The following LAMA1 variants were observed in gnomAD, a reference collection of about 807,000 sequenced individuals.
LAMA1 encodes the protein laminin subunit alpha-1.
Under a neutral mutation model 348.7 loss-of-function variants are expected in LAMA1, and 219 were observed. The ratio of observed to expected loss-of-function variants is 0.63; its 90% confidence interval spans 0.56 to 0.70. The LOEUF is 0.70. LAMA1 is among the 30% of genes least tolerant of loss of function. The probability of loss-of-function intolerance (pLI) is 0.00; values close to 1 mark genes in which losing one functional copy is unlikely to be tolerated. For missense variants in LAMA1, 3,744 were observed against 3,888.0 expected (o/e 0.96, Z 0.99); for synonymous variants, 1,487 against 1,491.0 (o/e 1.00, Z 0.06).
rs2057873660 is a variant in LAMA1 at position 7,013,992 on chromosome 18, A to G, written c.3186T>C (p.His1062=). ...THHRCDVVTG[H]CQCKSKFGGR... ...CACCAAATTTTGACTTGCACTGGCA[A>G]TGGCCGGTGACCACATCGCACCGAT... is the stretch of plus-strand genomic sequence containing the variant. Residue 1062 remains histidine, a synonymous_variant, in exon 23 of 63, where the codon CAT becomes CAC. Transcript: ENST00000389658. The G allele has an allele frequency of 6.2e-7, 1 of 1,614,018 alleles. No individual in the cohort carries two copies. The highest frequency in any genetic ancestry group is 8.5e-7 in the Non-Finnish European group (1 of 1,179,950).
intron 55 of LAMA1, 161 bp from the exon 56 acceptor site, chr18:6,956,926 A>AATATTT: frequency 1.4e-6 from 1 of 739,646 alleles, no homozygotes; most frequent in East Asian, 2.7e-5. Context: ...CTCAGAGTCC[A>AATATTT]AACATGCTAT....
At chr18:7,067,204 G>A (rs1356821446) in intron 3 of LAMA1, among the ~76,000 whole-genome samples, 3 of 150,776 alleles carry the variant, frequency 2.0e-5, no homozygotes, top group Non-Finnish European at 4.4e-5. Context: ...ACTCCTGGGA[G>A]AAGAGCCCAG....
intron 23 of LAMA1, among the ~76,000 whole-genome samples, chr18:7,012,497 A>T (rs1278706970): frequency 9.8e-5 from 14 of 143,578 alleles, no homozygotes; most frequent in Non-Finnish European, 7.5e-5. Context: ...TATTATTATT[A>T]TATTATTATT....
chr18:7,076,174 T>TA (rs1276290369), intron 3 of LAMA1, among the ~76,000 whole-genome samples: 1 of 151,706 alleles, frequency 6.6e-6, no homozygotes, highest in Non-Finnish European at 1.5e-5. Flanking sequence ...TTTGGCAAGG[T>TA]AAAAAAAAGT....
At chr18:6,965,798 A>T (rs1442113014) in intron 49 of LAMA1, 1 of 402,886 alleles carries the variant, frequency 2.5e-6, no homozygotes, top group Non-Finnish European at 4.5e-6. Flanking sequence ...ATTCCCATGG[A>T]TGGAATTCAA....
intron 22 of LAMA1, 93 bp from the exon 23 acceptor site, chr18:7,014,144 G>A: frequency 1.0e-6 from 1 of 991,114 alleles, no homozygotes; most frequent in Non-Finnish European, 1.6e-6. Flanking sequence ...CTACATGTGG[G>A]GAAGTTCTAC....
Position 6,966,289 on chromosome 18 carries a change from T to G in LAMA1, c.6908A>C (p.Asn2303Thr), listed in dbSNP as rs1322700710. 1.9e-6 allele frequency: 3 copies of G among 1,613,572 alleles called. No homozygotes were observed. Among genetic ancestry groups the G allele is most frequent in the Non-Finnish European group, 2.5e-6 (3 of 1,179,838 alleles). Residue 2303 changes from asparagine (N) to threonine (T), a missense_variant, in exon 49 of 63, where the codon AAT becomes ACT. Coordinates refer to ENST00000389658, the MANE Select transcript of LAMA1 (RefSeq NM_005559.4). ...GTCAAAATGGAAGGAAGGGTCTTCA[T>G]TCTGGGAGCTGCAAAGCAGAAGAGA... ...KCRGCFGSSQ[N>T]EDPSFHFDGS...
rs765822415 is a variant in LAMA1, at chr18:7,026,028, G to A, written c.2353C>T (p.Pro785Ser). ...GFYGEPSRGT[P>S]GDCQPCACPL... ...CAGGCGCAGGGCTGGCAGTCCCCAGGTGTCCCTCGGGAAGGCTCCCCGTAG... is the reference window on the plus strand; with the variant it reads ...CAGGCGCAGGGCTGGCAGTCCCCAGATGTCCCTCGGGAAGGCTCCCCGTAG... The change falls in exon 17 of 63, where the codon CCT (proline) becomes TCT (serine). Residue 785 changes from proline (P) to serine (S), a missense_variant. By Grantham distance (74) the Pro-to-Ser change is moderately conservative. Coordinates refer to ENST00000389658, the MANE Select transcript of LAMA1 (RefSeq NM_005559.4). 4 of 1,609,776 alleles carry A rather than the reference G, an allele frequency of 2.5e-6. No homozygotes were observed. Among genetic ancestry groups the A allele is most frequent in the East Asian group, 2.2e-5 (1 of 44,742 alleles).
intron 1 of LAMA1, among the ~76,000 whole-genome samples, chr18:7,107,781 G>A (rs28450506): frequency 0.27 from 40,599 of 150,082 alleles, 10,360 homozygotes; most frequent in African/African-American, 0.68. Flanking sequence ...TTGGGAGGCT[G>A]AGGCGGGCAG....
chr18:6,947,103 T>C, intron 61 of LAMA1, 60 bp downstream of exon 61: 1 of 1,607,608 alleles, frequency 6.2e-7, no homozygotes, highest in Non-Finnish European at 8.5e-7. Flanking sequence ...CTGCTGTTTC[T>C]CAATTGCTCT....
In LAMA1 at chr18:6,964,749, C is replaced by A; in HGVS notation, c.7250G>T (p.Gly2417Val). The change falls in exon 51 of 63, where the codon GGC (glycine) becomes GTC (valine). Residue 2417 changes from glycine (G) to valine (V), a missense_variant. This residue lies in a region of LAMA1 where 1,983 missense variants were observed against 1,934.3 expected (regional missense o/e 1.03). Coordinates refer to ENST00000389658, the MANE Select transcript of LAMA1 (RefSeq NM_005559.4). ...YNTSNKETKQ[G>V]ETPGASSDLN... Reference sequence around the variant, plus strand: ...GTCAGAAGATGCTCCCGGAGTCTCGCCCTGCTTGGTTTCTTTATTACTGGT... The same window carrying A: ...GTCAGAAGATGCTCCCGGAGTCTCGACCTGCTTGGTTTCTTTATTACTGGT... 1.2e-6 allele frequency: 2 copies of A among 1,614,086 alleles called. No homozygotes were observed.
intron 3 of LAMA1, among the ~76,000 whole-genome samples, chr18:7,058,201 T>C (rs1288448711): frequency 5.3e-5 from 8 of 152,154 alleles, no homozygotes; most frequent in Non-Finnish European, 1.0e-4. Context: ...TGATACTAAA[T>C]GGAAGAACAG....
rs2057542957 is a variant in LAMA1, at chr18:6,950,825, T to C, written c.8354A>G (p.Lys2785Arg). 1 of 1,614,020 alleles carries C rather than the reference T, an allele frequency of 6.2e-7. No individual in the cohort carries two copies. The highest frequency in any genetic ancestry group is 8.5e-7 in the Non-Finnish European group (1 of 1,180,012). ...ACTGAGCAGTGCAGGGTGAGAGACC[T>C]TTGTTCTGCCTTTGCCAAGGTCAAA... is the stretch of plus-strand genomic sequence containing the variant. ...FMFDLGKGRT[K>R]VSHPALLSDG... Residue 2785 changes from lysine (K) to arginine (R), a missense_variant, in exon 58 of 63, where the codon AAG becomes AGG. Lys to Arg is a conservative substitution (Grantham distance 26). Transcript: ENST00000389658.
intron 1 of LAMA1, among the ~76,000 whole-genome samples, chr18:7,114,319 TAGAA>T (rs1366790271): frequency 6.6e-6 from 1 of 152,158 alleles, no homozygotes; most frequent in African/African-American, 2.4e-5. Flanking sequence ...ATTTTATAGA[TAGAA>T]AGCTGACATT....
At position 7,032,153 on chromosome 18, in the gene LAMA1, G is replaced by A. The variant is rs139947483; in HGVS notation, c.2187C>T (p.Arg729=). 2.1e-5 allele frequency: 34 copies of A among 1,613,782 alleles called. No homozygotes were observed. The African/African-American group carries it at 2.3e-4, about 11-fold the overall frequency. Residue 729 remains arginine (R), a synonymous_variant, in exon 16 of 63, where the codon CGC becomes CGT. Transcript: ENST00000389658. ...SCESCLSGYY[R]VDGILFGGIC... Reference sequence around the variant, plus strand: ...TTCCTCCAAAGAGTATTCCATCCACGCGGTAATAGCCAGAGAGGCACGACT... The same window carrying A: ...TTCCTCCAAAGAGTATTCCATCCACACGGTAATAGCCAGAGAGGCACGACT...
chr18:7,040,363 T>C, intron 9 of LAMA1, 127 bp from the exon 10 acceptor site: 2 of 880,398 alleles, frequency 2.3e-6, no homozygotes, highest in Non-Finnish European at 3.8e-6. Flanking sequence ...AGAGTCTCAT[T>C]TGCAGCTGCT....
chr18:7,009,110 T>C, intron 27 of LAMA1, 129 bp downstream of exon 27: 1 of 998,022 alleles, frequency 1.0e-6, no homozygotes, highest in Non-Finnish European at 1.6e-6. Flanking sequence ...TATTTAACAA[T>C]GTTTTGGTAA....
At chr18:7,018,689 C>G (rs1054041931) in intron 19 of LAMA1, among the ~76,000 whole-genome samples, 1 of 152,114 alleles carries the variant, frequency 6.6e-6, no homozygotes, top group South Asian at 2.1e-4. Context: ...GCCACCGCGC[C>G]GGGCCCCCAG....
chr18:6,971,257 T>C (rs2057657094), intron 48 of LAMA1, among the ~76,000 whole-genome samples: 1 of 152,212 alleles, frequency 6.6e-6, no homozygotes, highest in Non-Finnish European at 1.5e-5. Flanking sequence ...GGTTAAGTCA[T>C]TGAATGCCTT....
Sources: allele counts gnomAD v4.1 joint callset (sites outside exome capture counted in the v4.1 genomes callset), GRCh38; gene constraint gnomAD v4.1.1; regional missense constraint gnomAD v4.1.1; transcripts MANE v1.5; gene names NCBI Gene and HGNC (gene_info 2026-07-23, HGNC 2026-07-21).